Variants in GIPR observed in about 807,000 individuals in gnomAD.
GIPR encodes the protein GIP-R.
Under a neutral mutation model 62.2 loss-of-function variants are expected in GIPR, and 74 were observed. The observed-to-expected ratio is 1.19, with a 90% CI of 0.99 to 1.44. GIPR has a LOEUF of 1.44. Among genes scored for constraint, GIPR ranks in the 40% most tolerant of loss-of-function variants. GIPR has a pLI of 0.00. For synonymous variants in GIPR, 256 were observed against 262.2 expected (o/e 0.98, Z 0.23); for missense variants, 664 against 611.8 (o/e 1.09, Z -0.90).
intron 7 of GIPR, chr19:45,675,232 C>G (rs1293716734): frequency 8.0e-6 from 2 of 249,264 alleles, no homozygotes; most frequent in African/African-American, 4.7e-5. Context: ...AGTCTGGGAG[C>G]AGACGTGGTA....
At chr19:45,680,374 A>G (rs1298588195) in intron 12 of GIPR, among the ~76,000 whole-genome samples, 2 of 151,676 alleles carry the variant, frequency 1.3e-5, no homozygotes, top group African/African-American at 2.4e-5. Context: ...AAACAAAAAA[A>G]AAATTAACTT....
rs778824900 is a variant in GIPR, at chr19:45,677,970, T to G, written c.989T>G (p.Met330Arg). Residue 330 changes from methionine (M) to arginine (R), a missense_variant, in exon 11 of 14, where the codon ATG becomes AGG. Met to Arg is a moderately conservative substitution (Grantham distance 91). Transcript: ENST00000590918. ...CTGTCCAAGCTGAGGACACGGCAAA[T>G]GCGCTGCCGGGATTACCGGCTGAGG... ...ILLSKLRTRQ[M>R]RCRDYRLRLA... 3.1e-6 allele frequency: 5 copies of G among 1,613,908 alleles called. No homozygotes were observed. In the East Asian group the frequency reaches 1.1e-4, roughly 36 times the overall value.
Position 45,671,303 on chromosome 19 carries a change from C to A in GIPR, c.191C>A (p.Ser64Tyr), listed in dbSNP as rs772204041. The A allele has an allele frequency of 6.2e-7, 1 of 1,611,990 alleles. No homozygotes were observed. The highest frequency in any genetic ancestry group is 8.5e-7 in the Non-Finnish European group (1 of 1,179,064). ...CCCCCAGGCCTCGCCTGTAACGGGT[C>A]CTTCGATATGTACGTCTGCTGGGAC... Reference protein sequence around the residue: ...EPPSGLACNGSFDMYVCWDYA... With the variant: ...EPPSGLACNGYFDMYVCWDYA... The change falls in exon 4 of 14, where the codon TCC becomes TAC. Residue 64 changes from serine (S) to tyrosine (Y), a missense_variant. Physicochemically the swap from Ser to Tyr is moderately radical, Grantham distance 144 (BLOSUM62 -2). Transcript: ENST00000590918.
intron 12 of GIPR, among the ~76,000 whole-genome samples, chr19:45,678,768 G>A (rs988151693): frequency 3.3e-5 from 5 of 152,268 alleles, no homozygotes; most frequent in African/African-American, 1.2e-4. Flanking sequence ...CTGCCTGCTA[G>A]TGAAGAGTGA....
Position 45,683,066 on chromosome 19 carries a change from C to A in GIPR, c.*1131C>A, listed in dbSNP as rs1967325350. 6.5e-6 allele frequency: 1 copy of A among 152,844 alleles called. No homozygotes were observed. Among genetic ancestry groups the A allele is most frequent in the Admixed American group, 6.6e-5 (1 of 15,258 alleles). The allele number at this position is 152,844 out of a possible 1,614,324, so 9.5% of individuals were successfully genotyped here. On this transcript the variant is annotated 3_prime_UTR_variant, in exon 14 of 14. Coordinates refer to ENST00000590918, the MANE Select transcript of GIPR (RefSeq NM_000164.4). ...TTTCATGAAGGAGCACATGAGGACA[C>A]AGCAGCAGAGAGGACTCCTTGGCTT...
rs761939213 is a variant in GIPR, at chr19:45,681,942, G to A, written c.*7G>A. 6.4e-7 allele frequency: 1 copy of A among 1,555,102 alleles called. No homozygotes were observed. The highest frequency in any genetic ancestry group is 8.7e-7 in the Non-Finnish European group (1 of 1,147,906). On this transcript the variant is annotated 3_prime_UTR_variant, in exon 14 of 14. Coordinates refer to ENST00000590918, the MANE Select transcript of GIPR (RefSeq NM_000164.4). ...GTTGGAAAGTTACTGCTAGGGGGCG[G>A]GATCCCCGTGTCTGTTCAGTTAGCA...
Position 45,668,234 on chromosome 19 carries a change from G to T in GIPR, c.-109G>T. On this transcript the variant is annotated 5_prime_UTR_variant, in exon 1 of 14. It adds an upstream start codon to the 5' untranslated region. Coordinates refer to ENST00000590918, the MANE Select transcript of GIPR (RefSeq NM_000164.4). ...GTCACCTCTCCCAGAGCCGAGACAA[G>T]GCAGTTGGAGGCAGCGGTGGCAGGG... is the stretch of plus-strand genomic sequence containing the variant. 1 of 67,348 alleles carries T rather than the reference G, an allele frequency of 1.5e-5. No individual in the cohort carries two copies. The highest frequency in any genetic ancestry group is 3.1e-5 in the Non-Finnish European group (1 of 32,446). The allele number at this position is 67,348 out of a possible 1,614,324, so 4.2% of individuals were successfully genotyped here. A position where few individuals can be genotyped will look rare whatever the true frequency, so the allele number is the denominator to read the frequency against.
chr19:45,672,747 T>C (rs1438538420), intron 4 of GIPR, 104 bp from the exon 5 acceptor site: 22 of 709,308 alleles, frequency 3.1e-5, no homozygotes, highest in Non-Finnish European at 4.2e-5. Flanking sequence ...ATCATCATCA[T>C]CACCACTTCG....
At chr19:45,673,863 C>CAA (rs35790297) in intron 5 of GIPR, among the ~76,000 whole-genome samples, 17,680 of 144,594 alleles carry the variant, frequency 0.12, 1,301 homozygotes, top group East Asian at 0.42. Context: ...GACCATGTCT[C>CAA]AAAAAAAAAA....
chr19:45,669,230 A>T (rs959271035), intron 1 of GIPR, among the ~76,000 whole-genome samples: 3 of 151,854 alleles, frequency 2.0e-5, no homozygotes, highest in African/African-American at 7.3e-5. Context: ...CCCCAACAAC[A>T]GTCAGGGGAG....
chr19:45,675,820 C>T (rs906408406), intron 7 of GIPR, among the ~76,000 whole-genome samples: 5 of 151,656 alleles, frequency 3.3e-5, no homozygotes, highest in African/African-American at 4.8e-5. Context: ...TCCATCAGGT[C>T]GAGGCTGCAG....
In GIPR at chr19:45,674,741, G is replaced by A. The variant is rs199583937; in HGVS notation, c.548G>A (p.Arg183Gln). 1.6e-4 allele frequency: 261 copies of A among 1,613,918 alleles called. No individual in the cohort carries two copies. Among genetic ancestry groups the A allele is most frequent in the East Asian group, 6.2e-4 (28 of 44,868 alleles). Residue 183 changes from arginine (R) to glutamine (Q), a missense_variant, in exon 7 of 14, where the codon CGA (arginine) becomes CAA (glutamine). Coordinates refer to ENST00000590918, the MANE Select transcript of GIPR (RefSeq NM_000164.4). ...AACCTGTTCACGTCTTTCATGCTGC[G>A]AGCTGCGGCCATTCTCAGCCGAGAC... Reference protein sequence around the residue: ...HINLFTSFMLRAAAILSRDRL... With the variant: ...HINLFTSFMLQAAAILSRDRL...
rs573855999 is a variant in GIPR, at chr19:45,674,001, GTCCT to G, written c.385-69_385-66del. The G allele has an allele frequency of 3.0e-5, 26 of 852,532 alleles. No individual in the cohort carries two copies. In the African/African-American group the frequency reaches 3.3e-4, roughly 11 times the overall value. 52.8% of individuals were successfully genotyped at this position (852,532 alleles called of 1,614,324 possible). ...ATTTGGGCAGAAACAAAGAGCAGAG[GTCCT>G]TCCAGTCTCTCTCTGGGCCTGGGGC... is the stretch of plus-strand genomic sequence containing the variant. On this transcript the variant is annotated intron_variant, in intron 5 of 13. Coordinates refer to ENST00000590918, the MANE Select transcript of GIPR (RefSeq NM_000164.4).
In GIPR at chr19:45,683,179, G is replaced by A. The variant is rs1967330544; in HGVS notation, c.*1244G>A. The A allele has an allele frequency of 6.5e-6, 1 of 152,722 alleles. No individual in the cohort carries two copies. The highest frequency in any genetic ancestry group is 2.1e-4 in the South Asian group (1 of 4,834). 9.5% of individuals were successfully genotyped at this position (152,722 alleles called of 1,614,324 possible). ...TCTTTGGAAAGGTTAGGCTGGCAGTGTTTGTAGGACATGACAGGACACTGA... is the reference window on the plus strand; with the variant it reads ...TCTTTGGAAAGGTTAGGCTGGCAGTATTTGTAGGACATGACAGGACACTGA... On this transcript the variant is annotated 3_prime_UTR_variant, in exon 14 of 14. Coordinates refer to ENST00000590918, the MANE Select transcript of GIPR (RefSeq NM_000164.4).
At chr19:45,671,762 G>A (rs948660858) in intron 4 of GIPR, among the ~76,000 whole-genome samples, 3 of 150,574 alleles carry the variant, frequency 2.0e-5, no homozygotes, top group Admixed American at 1.3e-4. Flanking sequence ...TTACAGGCGC[G>A]CGCCACCACA....
intron 9 of GIPR, 70 bp downstream of exon 9, chr19:45,677,453 T>C (rs1245285688): frequency 2.6e-5 from 29 of 1,120,788 alleles, no homozygotes; most frequent in Non-Finnish European, 3.1e-5. Context: ...CGGGTTGTGA[T>C]GGACATGTGG....
At chr19:45,668,469 CT>C (rs1436339035) in intron 1 of GIPR, among the ~76,000 whole-genome samples, 171 bp downstream of exon 1, 1 of 152,168 alleles carries the variant, frequency 6.6e-6, no homozygotes, top group African/African-American at 2.4e-5. Context: ...GTTTCCATCT[CT>C]GGTTAGCTGC....
intron 7 of GIPR, chr19:45,675,454 A>AC (rs1975791822): frequency 3.3e-5 from 5 of 152,878 alleles, no homozygotes; most frequent in Non-Finnish European, 5.8e-5. Context: ...GGACACCTGT[A>AC]ATCCCAGCTA....
chr19:45,678,047 A>G (rs1967048481), intron 11 of GIPR, 41 bp from the exon 12 acceptor site: 1 of 1,611,592 alleles, frequency 6.2e-7, no homozygotes, highest in African/African-American at 1.3e-5. Flanking sequence ...GAGATGGGGA[A>G]CCAGGGCTGC....
Sources: gnomAD v4.1 joint callset for allele counts (sites outside exome capture counted in the v4.1 genomes callset) on GRCh38, gnomAD v4.1.1 for gene constraint, MANE v1.5 for transcripts, NCBI Gene and HGNC (gene_info 2026-07-23, HGNC 2026-07-21) for gene names.